Variants in RGPD3 observed in about 807,000 individuals in gnomAD.
The protein encoded by RGPD3 is ranBP2-like and GRIP domain-containing protein 3.
A neutral mutation model predicts 154.5 loss-of-function variants in RGPD3; 62 were observed. The observed-to-expected ratio is 0.40, with a 90% CI of 0.33 to 0.50. RGPD3 has a LOEUF of 0.50. Among genes scored for constraint, RGPD3 ranks in the 20% least tolerant of loss-of-function variants. The pLI is 0.59. For missense variants in RGPD3, 919 were observed against 1,716.8 expected (o/e 0.54, Z 8.21); for synonymous variants, 308 against 607.0 (o/e 0.51, Z 7.24).
intron 7 of RGPD3, among the ~76,000 whole-genome samples, chr2:106,445,498 C>T (rs1302321856): frequency 6.6e-6 from 1 of 152,392 alleles, no homozygotes; most frequent in African/African-American, 2.4e-5. Context: ...AAAAGATTTA[C>T]AGGCCGGGCT....
At chr2:106,436,292 T>C in intron 11 of RGPD3, 46 bp from the exon 12 acceptor site, 1 of 1,611,194 alleles carries the variant, frequency 6.2e-7, no homozygotes, top group Non-Finnish European at 8.5e-7. Flanking sequence ...AAATACACAG[T>C]TCAGCGCTTA....
At chr2:106,441,216 G>C in intron 8 of RGPD3, 77 bp downstream of exon 8, 5 of 1,580,762 alleles carry the variant, frequency 3.2e-6, no homozygotes, top group Non-Finnish European at 4.3e-6. Context: ...TGGACAGACT[G>C]AGATTTTATC....
At position 106,465,575 on chromosome 2, in the gene RGPD3, G is replaced by A. The variant is rs572240935; in HGVS notation, c.72+2642C>T. On this transcript the variant is annotated intron_variant, in intron 1 of 22. Coordinates refer to ENST00000409886, the MANE Select transcript of RGPD3 (RefSeq NM_001144013.2). The stretch of plus-strand genomic sequence containing the variant: ...TCTAAGCTTGCTTTTTTTTTTTTAA[G>A]CTTGTTTAAAAAAAAAAAAATCAGG... Among the ~76,000 whole-genome samples the A allele has an allele frequency of 4.2e-3, 560 of 134,056 alleles. 4 individuals carry two copies. The highest frequency in any genetic ancestry group is 0.014 in the African/African-American group (496 of 36,630). The allele number at this position is 134,056 out of a possible 152,430, so 87.9% of individuals were successfully genotyped here.
At chr2:106,438,384 A>T (rs1237766771) in intron 9 of RGPD3, among the ~76,000 whole-genome samples, 1 of 150,958 alleles carries the variant, frequency 6.6e-6, no homozygotes, top group East Asian at 2.0e-4. Flanking sequence ...GCTACTCAGG[A>T]GGCTGAGGCA....
intron 22 of RGPD3, among the ~76,000 whole-genome samples, chr2:106,408,644 A>T (rs1412886265): frequency 6.8e-6 from 1 of 146,718 alleles, no homozygotes; most frequent in Non-Finnish European, 1.5e-5. Flanking sequence ...TAGATTCAAC[A>T]TATTCTAATG....
In RGPD3 at chr2:106,468,252, C is replaced by G. The variant is rs747947915; in HGVS notation, c.37G>C (p.Ala13Pro). The G allele has an allele frequency of 1.2e-6, 2 of 1,607,330 alleles. No homozygotes were observed. The highest frequency in any genetic ancestry group is 2.2e-5 in the East Asian group (1 of 44,730). Residue 13 changes from alanine to proline, a missense_variant, in exon 1 of 23, where the codon GCC (alanine) becomes CCC (proline). Physicochemically the swap from Ala to Pro is conservative, Grantham distance 27 (BLOSUM62 -1). Transcript: ENST00000409886. ...CSKAYGERYV[A>P]SVQGSAPSPR... Reference sequence around the variant, plus strand: ...GACGGGGCGGAGCCCTGCACCGAGGCGACGTACCGCTCCCCGTAGGCCTTG... The same window carrying G: ...GACGGGGCGGAGCCCTGCACCGAGGGGACGTACCGCTCCCCGTAGGCCTTG...
intron 22 of RGPD3, among the ~76,000 whole-genome samples, chr2:106,412,454 C>T (rs1174459535): frequency 9.9e-5 from 15 of 151,444 alleles, no homozygotes; most frequent in East Asian, 7.9e-4. Flanking sequence ...GGACTACAGG[C>T]GCATGCCACC....
Position 106,413,071 on chromosome 2 carries a change from T to C in RGPD3, c.5266+13A>G, listed in dbSNP as rs754249120. On this transcript the variant is annotated intron_variant, in intron 22 of 22. Coordinates refer to ENST00000409886, the MANE Select transcript of RGPD3 (RefSeq NM_001144013.2). ...TTAGAAGTCAGAAGTTCTGAGACTC[T>C]CCTTTTACCCACCTTGAGCAACCGC... The C allele has an allele frequency of 1.2e-6, 2 of 1,609,946 alleles. No individual in the cohort carries two copies. The highest frequency in any genetic ancestry group is 4.5e-5 in the East Asian group (2 of 44,712).
chr2:106,465,022 T>C (rs1471578420), intron 1 of RGPD3, among the ~76,000 whole-genome samples: 4 of 151,042 alleles, frequency 2.6e-5, no homozygotes, highest in Non-Finnish European at 5.9e-5. Flanking sequence ...AGTAGAAAAA[T>C]GGCAAAACAA....
intron 1 of RGPD3, among the ~76,000 whole-genome samples, chr2:106,466,230 C>T (rs1678579972): frequency 6.6e-6 from 1 of 152,160 alleles, no homozygotes; most frequent in Non-Finnish European, 1.5e-5. Flanking sequence ...CCGCAGCGGT[C>T]CCCCCAGGAC....
chr2:106,450,971 C>A (rs1161574853), intron 6 of RGPD3, among the ~76,000 whole-genome samples: 2 of 149,248 alleles, frequency 1.3e-5, no homozygotes, highest in African/African-American at 4.9e-5. Context: ...CGCCTGTGGT[C>A]CCAGCTACTC....
intron 6 of RGPD3, among the ~76,000 whole-genome samples, chr2:106,449,678 C>T (rs1430724638): frequency 6.6e-6 from 1 of 151,854 alleles, no homozygotes; most frequent in African/African-American, 2.4e-5. Context: ...GAGATTGAGA[C>T]CTTCCAGTAC....
chr2:106,438,337 A>T (rs1677637763), intron 9 of RGPD3, among the ~76,000 whole-genome samples: 1 of 151,346 alleles, frequency 6.6e-6, no homozygotes, highest in Non-Finnish European at 1.5e-5. Flanking sequence ...AAAAAAAAAA[A>T]ATTATCTGGG....
At chr2:106,408,734 G>C (rs956232100) in intron 22 of RGPD3, among the ~76,000 whole-genome samples, 1 of 151,346 alleles carries the variant, frequency 6.6e-6, no homozygotes, top group Admixed American at 6.6e-5. Context: ...ATGCAGTGGC[G>C]TGACCAGGAT....
Position 106,404,290 on chromosome 2 carries a change from C to G in RGPD3, c.*929G>C, listed in dbSNP as rs1346952852. On this transcript the variant is annotated 3_prime_UTR_variant, in exon 23 of 23. Transcript: ENST00000409886. ...GCATGCAGTGACACCCTATCAAGAG[C>G]CTGGAAAGACACCATGAAATCACCT... Among the ~76,000 whole-genome samples the G allele has an allele frequency of 2.0e-5, 3 of 149,874 alleles. No individual in the cohort carries two copies. The highest frequency in any genetic ancestry group is 1.3e-4 in the Admixed American group (2 of 15,090).
chr2:106,430,521 C>A (rs1291082970), intron 17 of RGPD3, among the ~76,000 whole-genome samples: 3 of 149,372 alleles, frequency 2.0e-5, no homozygotes, highest in Non-Finnish European at 4.4e-5. Context: ...TTCTACACTG[C>A]AATCTGGACT....
At chr2:106,416,103 C>T (rs1676821096) in intron 20 of RGPD3, 114 bp from the exon 21 acceptor site, 3 of 1,491,806 alleles carry the variant, frequency 2.0e-6, no homozygotes, top group Admixed American at 2.0e-5. Flanking sequence ...TATAGCTCTG[C>T]TTTCTTTGCC....
intron 7 of RGPD3, 131 bp from the exon 8 acceptor site, chr2:106,441,511 A>C: frequency 8.2e-7 from 1 of 1,218,680 alleles, no homozygotes; most frequent in Non-Finnish European, 1.1e-6. Context: ...ACTGAATTGG[A>C]AAAGACTGCA....
chr2:106,443,561 T>G (rs1356265062), intron 7 of RGPD3, among the ~76,000 whole-genome samples: 1 of 109,848 alleles, frequency 9.1e-6, no homozygotes, highest in Non-Finnish European at 1.9e-5. Flanking sequence ...ATCATTCTTT[T>G]TGTTTTCAAA....
Sources: gnomAD v4.1 joint callset for allele counts (sites outside exome capture counted in the v4.1 genomes callset) on GRCh38, gnomAD v4.1.1 for gene constraint, MANE v1.5 for transcripts, NCBI Gene and HGNC (gene_info 2026-07-23, HGNC 2026-07-21) for gene names.